The following BCL2L13 variants were observed in gnomAD, a reference collection of about 807,000 sequenced individuals.
The protein encoded by BCL2L13 is BCL2 like 13.
Under a neutral mutation model 25.8 loss-of-function variants are expected in BCL2L13, and 13 were observed. The observed-to-expected ratio is 0.50, with a 90% CI of 0.33 to 0.80. The LOEUF (loss-of-function observed/expected upper bound fraction) is 0.80, where lower values mean the gene tolerates loss of function less well. Among genes scored for constraint, BCL2L13 ranks in the 30% least tolerant of loss-of-function variants. The pLI, the probability that BCL2L13 is intolerant of heterozygous loss-of-function variation, is 0.02. For synonymous variants in BCL2L13, 244 were observed against 230.3 expected, an observed-to-expected ratio of 1.06 and a Z score of -0.54; for missense variants, 504 against 574.9, an observed-to-expected ratio of 0.88 and a Z score of 1.26.
intron 6 of BCL2L13, among the ~76,000 whole-genome samples, chr22:17,716,756 G>GT (rs1281509363): frequency 1.1e-4 from 16 of 152,232 alleles, no homozygotes; most frequent in African/African-American, 3.4e-4. Flanking sequence ...ACTTTATTTT[G>GT]TAACATTCAA....
intron 2 of BCL2L13, among the ~76,000 whole-genome samples, chr22:17,679,263 T>C (rs1431641925): frequency 9.1e-6 from 1 of 109,374 alleles, no homozygotes; most frequent in Non-Finnish European, 1.8e-5. Flanking sequence ...TTGGTTTGGC[T>C]CTTTTTTTTT....
intron 1 of BCL2L13, among the ~76,000 whole-genome samples, chr22:17,629,597 A>T (rs1029980016): frequency 6.6e-6 from 1 of 152,136 alleles, no homozygotes; most frequent in Non-Finnish European, 1.5e-5. Context: ...AAATTCCTTT[A>T]TCTTTAGGAT....
chr22:17,656,825 C>T (rs57261008), intron 2 of BCL2L13, among the ~76,000 whole-genome samples: 2,250 of 151,726 alleles, frequency 0.015, 56 homozygotes, highest in African/African-American at 0.05. Flanking sequence ...ATTTTGGCTG[C>T]CTTATTTTTT....
intron 6 of BCL2L13, among the ~76,000 whole-genome samples, chr22:17,709,153 G>A (rs1053815514): frequency 2.0e-5 from 3 of 150,098 alleles, no homozygotes; most frequent in Non-Finnish European, 4.5e-5. Flanking sequence ...GGAGAATGGC[G>A]TGAACCCAGG....
intron 6 of BCL2L13, among the ~76,000 whole-genome samples, chr22:17,704,987 C>CAA (rs138284178): frequency 3.5e-5 from 4 of 114,100 alleles, no homozygotes; most frequent in African/African-American, 1.2e-4. Context: ...GAAAGATAGG[C>CAA]AAAAAAAAAA....
chr22:17,716,707 T>C (rs1295393548), intron 6 of BCL2L13, among the ~76,000 whole-genome samples: 1 of 152,244 alleles, frequency 6.6e-6, no homozygotes, highest in Non-Finnish European at 1.5e-5. Flanking sequence ...GCTTTTTAAC[T>C]GAGTCAGAAA....
At chr22:17,675,357 G>C (rs890833347) in intron 2 of BCL2L13, among the ~76,000 whole-genome samples, 3 of 152,100 alleles carry the variant, frequency 2.0e-5, no homozygotes, top group African/African-American at 7.2e-5. Context: ...AAACCTTGTA[G>C]AAAAATGGAT....
chr22:17,660,984 G>A (rs1021015915), intron 2 of BCL2L13, among the ~76,000 whole-genome samples: 2 of 144,364 alleles, frequency 1.4e-5, no homozygotes, highest in East Asian at 3.9e-4. Flanking sequence ...TCACCATGTT[G>A]CCCAGGCTGG....
intron 5 of BCL2L13, among the ~76,000 whole-genome samples, chr22:17,696,998 C>A (rs1387657394): frequency 6.6e-6 from 1 of 152,054 alleles, no homozygotes; most frequent in South Asian, 2.1e-4. Flanking sequence ...TAGACACCTA[C>A]CTCTATTTGG....
intron 2 of BCL2L13, among the ~76,000 whole-genome samples, chr22:17,657,777 A>G (rs1349945538): frequency 6.7e-6 from 1 of 148,594 alleles, no homozygotes; most frequent in Non-Finnish European, 1.5e-5. Flanking sequence ...CGGCCTCCCA[A>G]AGTGCTAGGA....
chr22:17,677,329 G>A (rs904513422), intron 2 of BCL2L13, among the ~76,000 whole-genome samples: 2 of 152,120 alleles, frequency 1.3e-5, no homozygotes, highest in Admixed American at 1.3e-4. Flanking sequence ...TTTTTTAAAG[G>A]TATTTTAAAT....
At chr22:17,718,326 T>C (rs546293430) in intron 6 of BCL2L13, among the ~76,000 whole-genome samples, 1 of 151,942 alleles carries the variant, frequency 6.6e-6, no homozygotes, top group East Asian at 1.9e-4. Flanking sequence ...AATGATGAGA[T>C]AGATGCTAGC....
rs1037495762 is a variant in BCL2L13, at chr22:17,682,459, A to G, written c.122-755A>G. ...TGAGATACAATTAGGGATCTATATA[A>G]TTTGAAGTGGGGGGAATGGACATCT... is the stretch of plus-strand genomic sequence containing the variant. On this transcript the variant is annotated intron_variant, in intron 2 of 6. Coordinates refer to ENST00000317582, the MANE Select transcript of BCL2L13 (RefSeq NM_015367.4). Among the ~76,000 whole-genome samples the G allele has an allele frequency of 5.3e-5, 8 of 152,342 alleles. No individual in the cohort carries two copies. In the South Asian group the frequency reaches 1.4e-3, roughly 28 times the overall value.
chr22:17,661,726 T>A (rs918267141), intron 2 of BCL2L13, among the ~76,000 whole-genome samples: 17 of 145,880 alleles, frequency 1.2e-4, no homozygotes, highest in African/African-American at 4.1e-4. Context: ...GTGTGGTGGC[T>A]CACACCTGTG....
At chr22:17,699,922 C>T (rs1302697642) in intron 5 of BCL2L13, among the ~76,000 whole-genome samples, 3 of 151,828 alleles carry the variant, frequency 2.0e-5, no homozygotes, top group Admixed American at 6.6e-5. Context: ...ACAATCTAAA[C>T]GGTACAGTGG....
At chr22:17,635,862 A>C (rs1012484864), upstream of BCL2L13, among the ~76,000 whole-genome samples, 5 of 118,776 alleles carry the variant, frequency 4.2e-5, no homozygotes, top group African/African-American at 1.6e-4. Flanking sequence ...GGTGCGCGCC[A>C]CCATGCCCAG....
chr22:17,683,027 GGAGGCT>G lies in BCL2L13; in HGVS notation c.122-181_122-176del, dbSNP rs1168225873. On this transcript the variant is annotated intron_variant, in intron 2 of 6. Transcript: ENST00000317582. The stretch of plus-strand genomic sequence containing the variant: ...AGGCGCCTATAATCCCAGTTACTTG[GGAGGCT>G]GAGGCAGGAGAATCGCTTGAACCTA... Among the ~76,000 whole-genome samples, 40 of 151,996 alleles carry G rather than the reference GGAGGCT, an allele frequency of 2.6e-4. 1 individual carries two copies. Among genetic ancestry groups the G allele is most frequent in the Admixed American group, 2.6e-3 (39 of 15,260 alleles).
intron 6 of BCL2L13, among the ~76,000 whole-genome samples, chr22:17,715,324 G>A (rs1258799562): frequency 6.7e-6 from 1 of 148,934 alleles, no homozygotes; most frequent in African/African-American, 2.5e-5. Context: ...TGGGACTACA[G>A]GCATGCGCAA....
intron 6 of BCL2L13, among the ~76,000 whole-genome samples, chr22:17,722,413 G>GTGTGTGTGTGTGTA (rs1569017669): frequency 1.3e-5 from 2 of 151,222 alleles, no homozygotes; most frequent in African/African-American, 4.9e-5. Context: ...GTGTGTGTGT[G>GTGTGTGTGTGTGTA]TGTGTGTATG....
Sources: allele counts gnomAD v4.1 joint callset (sites outside exome capture counted in the v4.1 genomes callset), GRCh38; gene constraint gnomAD v4.1.1; transcripts MANE v1.5; gene names NCBI Gene and HGNC (gene_info 2026-07-23, HGNC 2026-07-21).